TRUB1: variants seen among roughly 807,000 people sequenced by gnomAD.
TRUB1 encodes TruB pseudouridine synthase family member 1, also known as pseudouridylate synthase TRUB1.
Under a neutral mutation model 33.9 loss-of-function variants are expected in TRUB1, and 23 were observed. The ratio of observed to expected loss-of-function variants is 0.68; its 90% confidence interval spans 0.49 to 0.96. The LOEUF (loss-of-function observed/expected upper bound fraction) is 0.96. TRUB1 is among the 40% of genes least tolerant of loss of function. The pLI is 0.00. For synonymous variants in TRUB1, 163 were observed against 165.4 expected, an observed-to-expected ratio of 0.99 and a Z score of 0.11; for missense variants, 378 against 422.2, an observed-to-expected ratio of 0.90 and a Z score of 0.92.
chr10:114,970,451 T>G lies in TRUB1; in HGVS notation c.596+11T>G. ...GCAAGTGCCCCCCCTGTAAGTTCAA[T>G]TAGTAAATTTGGAAAAATGTTTACT... is the stretch of plus-strand genomic sequence containing the variant. On this transcript the variant is annotated intron_variant, in intron 5 of 7. Coordinates refer to ENST00000298746, the MANE Select transcript of TRUB1 (RefSeq NM_139169.5). The G allele has an allele frequency of 6.3e-7, 1 of 1,590,082 alleles. No homozygotes were observed. Among genetic ancestry groups the G allele is most frequent in the Non-Finnish European group, 8.6e-7 (1 of 1,159,462 alleles).
rs560279728 is a variant in TRUB1, at chr10:114,942,915, A to C, written c.385+172A>C. The stretch of plus-strand genomic sequence containing the variant: ...TTTTAAAGAAGCCCTTAAATGGTAC[A>C]AGGCCTACAAGGCTGTTAGAAATAG... On this transcript the variant is annotated intron_variant, in intron 2 of 7. Coordinates refer to ENST00000298746, the MANE Select transcript of TRUB1 (RefSeq NM_139169.5). 1.3e-4 allele frequency among the ~76,000 whole-genome samples: 20 copies of C among 152,370 alleles called. No individual in the cohort carries two copies. The East Asian group carries it at 3.9e-3, about 29-fold the overall frequency.
At chr10:114,941,675 G>T (rs1369259948) in intron 1 of TRUB1, among the ~76,000 whole-genome samples, 1 of 152,144 alleles carries the variant, frequency 6.6e-6, no homozygotes, top group Non-Finnish European at 1.5e-5. Context: ...TATGAGATAA[G>T]CCGGGCTGGC....
chr10:114,944,142 G>C (rs950114248), intron 2 of TRUB1, among the ~76,000 whole-genome samples: 1 of 151,530 alleles, frequency 6.6e-6, no homozygotes, highest in Admixed American at 6.6e-5. Context: ...CATACATTGG[G>C]ATCCCTCTCA....
intron 3 of TRUB1, among the ~76,000 whole-genome samples, chr10:114,953,946 C>T (rs2084248865): frequency 6.6e-6 from 1 of 152,072 alleles, no homozygotes; most frequent in Non-Finnish European, 1.5e-5. Context: ...CACCATGCCC[C>T]ACCTCCAACA....
Position 114,938,405 on chromosome 10 carries a change from G to C in TRUB1, c.152G>C (p.Gly51Ala). 1 of 1,603,588 alleles carries C rather than the reference G, an allele frequency of 6.2e-7. No homozygotes were observed. Among genetic ancestry groups the C allele is most frequent in the Non-Finnish European group, 8.5e-7 (1 of 1,174,870 alleles). ...AAVVAAAART[G>A]SEARVSKAAL... ...GTGGTTGCGGCCGCGGCCAGGACCG[G>C]ATCCGAAGCCAGGGTCTCCAAGGCC... Residue 51 changes from glycine (G) to alanine (A), a missense_variant, in exon 1 of 8, where the codon GGA becomes GCA. Coordinates refer to ENST00000298746, the MANE Select transcript of TRUB1 (RefSeq NM_139169.5).
chr10:114,944,662 GTAAA>G (rs1206319267), intron 2 of TRUB1, among the ~76,000 whole-genome samples: 2 of 151,800 alleles, frequency 1.3e-5, no homozygotes, highest in Non-Finnish European at 2.9e-5. Context: ...TCTTGTCTCA[GTAAA>G]TAAATAAATA....
intron 1 of TRUB1, among the ~76,000 whole-genome samples, chr10:114,940,311 G>A (rs535641414): frequency 6.6e-6 from 1 of 152,098 alleles, no homozygotes; most frequent in African/African-American, 2.4e-5. Context: ...GGTAGAGACG[G>A]GGTTTCTCCA....
At chr10:114,949,234 T>C (rs1169378512) in intron 2 of TRUB1, among the ~76,000 whole-genome samples, 1 of 152,250 alleles carries the variant, frequency 6.6e-6, no homozygotes, top group Non-Finnish European at 1.5e-5. Flanking sequence ...GAAGTATTCC[T>C]CTTGGGATTA....
intron 3 of TRUB1, among the ~76,000 whole-genome samples, chr10:114,953,306 C>T (rs1592050324): frequency 1.4e-5 from 2 of 145,770 alleles, no homozygotes; most frequent in East Asian, 3.8e-4. Flanking sequence ...CGTCTTGTTA[C>T]AGAAACCTAG....
chr10:114,961,025 C>T (rs1287772268), intron 4 of TRUB1, among the ~76,000 whole-genome samples: 5 of 151,992 alleles, frequency 3.3e-5, no homozygotes, highest in South Asian at 2.1e-4. Context: ...AAATATAAGG[C>T]GCACTAGAGT....
chr10:114,956,083 A>G (rs1237344377), intron 3 of TRUB1, among the ~76,000 whole-genome samples: 3 of 152,230 alleles, frequency 2.0e-5, no homozygotes, highest in Non-Finnish European at 2.9e-5. Context: ...TCTCCTAAAC[A>G]GAACAGAAGC....
chr10:114,956,406 A>G (rs1205617785), intron 3 of TRUB1, among the ~76,000 whole-genome samples: 1 of 152,208 alleles, frequency 6.6e-6, no homozygotes, highest in Non-Finnish European at 1.5e-5. Context: ...TTAGGGTTGA[A>G]TGTGTGTATC....
chr10:114,973,359 C>T (rs571171631), intron 6 of TRUB1, among the ~76,000 whole-genome samples: 46 of 152,222 alleles, frequency 3.0e-4, no homozygotes, highest in African/African-American at 1.0e-3. Context: ...GAGAGTGTAA[C>T]GGGCCAAAAG....
At chr10:114,946,799 T>G (rs2084213510) in intron 2 of TRUB1, among the ~76,000 whole-genome samples, 1 of 152,054 alleles carries the variant, frequency 6.6e-6, no homozygotes, top group South Asian at 2.1e-4. Flanking sequence ...GAAATTCAGG[T>G]TTATAATTCT....
intron 3 of TRUB1, among the ~76,000 whole-genome samples, chr10:114,954,465 T>A (rs2084252904): frequency 6.6e-6 from 1 of 152,200 alleles, no homozygotes; most frequent in Non-Finnish European, 1.5e-5. Context: ...GGCCATCACA[T>A]TATTTTGCTT....
rs369577127 is a variant in TRUB1 at position 114,972,309 on chromosome 10, C to T, written c.736+35C>T. ...AGAAATTTGAAATCATTTGTATTTA[C>T]GTGTATTTTTAATTTGTATTTGGCT... On this transcript the variant is annotated intron_variant, in intron 6 of 7. Coordinates refer to ENST00000298746, the MANE Select transcript of TRUB1 (RefSeq NM_139169.5). The T allele has an allele frequency of 2.1e-5, 33 of 1,562,318 alleles. No homozygotes were observed. The South Asian group carries it at 2.5e-4, about 12-fold the overall frequency.
intron 3 of TRUB1, among the ~76,000 whole-genome samples, chr10:114,957,689 C>T (rs2084267475): frequency 6.6e-6 from 1 of 152,022 alleles, no homozygotes; most frequent in South Asian, 2.1e-4. Context: ...CCCAGGTGCA[C>T]AAAACACCAA....
chr10:114,968,928 A>T (rs1470643021), intron 4 of TRUB1, among the ~76,000 whole-genome samples: 2 of 152,126 alleles, frequency 1.3e-5, no homozygotes, highest in Non-Finnish European at 2.9e-5. Context: ...GTTTAGATAA[A>T]TTTTCTACAA....
rs2084355772 is a variant in TRUB1, at chr10:114,975,347, AAG to A, written c.1024_1025del (p.Glu342ArgfsTer2). ...TGAATATATAACTCTAAATGAGCCA[AAG>A]AGAGAAGATGATGTAATTAAGACGT... ...SCEYITLNEP[K>X]REDDVIKTC On this transcript the variant is annotated frameshift_variant, in exon 8 of 8. Coordinates refer to ENST00000298746, the MANE Select transcript of TRUB1 (RefSeq NM_139169.5). LOFTEE classifies it high-confidence loss of function. 1.3e-6 allele frequency: 2 copies of A among 1,596,130 alleles called. No homozygotes were observed. The highest frequency in any genetic ancestry group is 2.7e-5 in the African/African-American group (2 of 74,372).
Sources: gnomAD v4.1 joint callset for allele counts (sites outside exome capture counted in the v4.1 genomes callset) on GRCh38, gnomAD v4.1.1 for gene constraint, MANE v1.5 for transcripts, NCBI Gene and HGNC (gene_info 2026-07-23, HGNC 2026-07-21) for gene names.